Variants in TBCK observed in about 807,000 individuals in gnomAD.
TBCK encodes the protein TBC domain-containing protein kinase-like protein.
A neutral mutation model predicts 113.4 loss-of-function variants in TBCK; 99 were observed. That is an observed-to-expected ratio of 0.87 (90% CI 0.74 to 1.03). The LOEUF is 1.03. Ranked by LOEUF, TBCK falls within the 50% of genes least tolerant of loss-of-function variation. The probability of loss-of-function intolerance (pLI) is 0.00; values close to 1 mark genes in which losing one functional copy is unlikely to be tolerated. For missense variants in TBCK, 1,045 were observed against 1,061.3 expected, an observed-to-expected ratio of 0.98 and a Z score of 0.21; for synonymous variants, 369 against 370.8, an observed-to-expected ratio of 1.00 and a Z score of 0.05.
chr4:106,122,525 T>A (rs1334749377), intron 23 of TBCK, among the ~76,000 whole-genome samples: 8 of 152,234 alleles, frequency 5.3e-5, no homozygotes, highest in African/African-American at 1.9e-4. Flanking sequence ...ACTCATTTTA[T>A]GAGGCCAGCA....
chr4:106,309,276 C>A (rs1042619269), intron 1 of TBCK, among the ~76,000 whole-genome samples: 4 of 147,178 alleles, frequency 2.7e-5, no homozygotes, highest in African/African-American at 1.0e-4. Context: ...TTTGTTACTG[C>A]ATCTTCATAT....
Position 106,244,635 on chromosome 4 carries a change from G to A in TBCK, c.1061C>T (p.Thr354Ile), listed in dbSNP as rs1473115815. ...EIIRSKPPICTLPNFLFEDGE... is the reference protein window; with the variant it reads ...EIIRSKPPICILPNFLFEDGE... Reference sequence around the variant, plus strand: ...AAGTTTCTTTCCTTACTTGGGGAGTGTGCAGATAGGTGGTTTGGATCGAAT... The same window carrying A: ...AAGTTTCTTTCCTTACTTGGGGAGTATGCAGATAGGTGGTTTGGATCGAAT... The change falls in exon 11 of 26, where the codon ACA (threonine) becomes ATA (isoleucine). Residue 354 changes from threonine to isoleucine, a missense_variant. Coordinates refer to ENST00000394708, the MANE Select transcript of TBCK (RefSeq NM_001163435.3). The A allele has an allele frequency of 6.2e-7, 1 of 1,602,616 alleles. No homozygotes were observed. Among genetic ancestry groups the A allele is most frequent in the Admixed American group, 1.7e-5 (1 of 57,454 alleles).
Position 106,242,508 on chromosome 4 carries a change from C to T in TBCK, c.1132G>A (p.Asp378Asn). The T allele has an allele frequency of 6.2e-7, 1 of 1,609,160 alleles. No individual in the cohort carries two copies. The highest frequency in any genetic ancestry group is 8.5e-7 in the Non-Finnish European group (1 of 1,177,676). ...CATAACGACAATGTCACAGTGGTAT[C>T]ATCTAAAAGCGAGCTTCTATCTCGA... ...QGRDRSSLLD[D>N]TTVTLSLCQL... Residue 378 changes from aspartate to asparagine, a missense_variant, in exon 12 of 26, where the codon GAT (aspartate) becomes AAT (asparagine). Physicochemically the swap from Asp to Asn is conservative, Grantham distance 23. Transcript: ENST00000394708.
chr4:106,303,167 G>T (rs953892382), intron 2 of TBCK, among the ~76,000 whole-genome samples: 2 of 152,180 alleles, frequency 1.3e-5, no homozygotes, highest in African/African-American at 4.8e-5. Context: ...GGCCCTGACT[G>T]TGGGTCTCCT....
chr4:106,267,306 T>C (rs998732297), intron 3 of TBCK, among the ~76,000 whole-genome samples: 2 of 151,836 alleles, frequency 1.3e-5, no homozygotes, highest in African/African-American at 4.8e-5. Context: ...TAACTCCCAA[T>C]AAAGCAAGAT....
intron 24 of TBCK, among the ~76,000 whole-genome samples, chr4:106,100,068 T>C (rs1286288400): frequency 6.6e-6 from 1 of 152,162 alleles, no homozygotes; most frequent in African/African-American, 2.4e-5. Context: ...TTTTTGCGCA[T>C]TCAAACATCC....
intron 22 of TBCK, among the ~76,000 whole-genome samples, chr4:106,178,195 G>C (rs559409602): frequency 6.6e-6 from 1 of 151,846 alleles, no homozygotes; most frequent in African/African-American, 2.4e-5. Flanking sequence ...TACTGAATTC[G>C]CAAATCTGTT....
At chr4:106,120,309 G>A (rs1316456915) in intron 23 of TBCK, among the ~76,000 whole-genome samples, 5 of 152,108 alleles carry the variant, frequency 3.3e-5, no homozygotes, top group Non-Finnish European at 1.5e-5. Flanking sequence ...TGGCTCGGAG[G>A]GTCTTACGCC....
chr4:106,114,563 G>T (rs180790423), intron 24 of TBCK, among the ~76,000 whole-genome samples: 1 of 152,144 alleles, frequency 6.6e-6, no homozygotes, highest in Non-Finnish European at 1.5e-5. Context: ...CCTGCTCGGG[G>T]TCTATAAGCA....
At chr4:106,285,238 T>G (rs901723475) in intron 3 of TBCK, among the ~76,000 whole-genome samples, 2 of 152,070 alleles carry the variant, frequency 1.3e-5, no homozygotes, top group Non-Finnish European at 2.9e-5. Flanking sequence ...ACAAATAACA[T>G]TAGTCTATAA....
intron 12 of TBCK, 30 bp downstream of exon 12, chr4:106,242,439 TA>T: frequency 6.5e-7 from 1 of 1,533,226 alleles, no homozygotes; most frequent in Admixed American, 2.0e-5. Flanking sequence ...GAAAAAAACC[TA>T]AAGCAGAACT....
chr4:106,268,171 T>C (rs7665946), intron 3 of TBCK, among the ~76,000 whole-genome samples: 21,444 of 151,978 alleles, frequency 0.14, 1,704 homozygotes, highest in South Asian at 0.25. Context: ...TCATTCTTTA[T>C]TCTGACAGAT....
chr4:106,098,511 T>C (rs1407924171), intron 24 of TBCK, among the ~76,000 whole-genome samples: 1 of 152,082 alleles, frequency 6.6e-6, no homozygotes, highest in Non-Finnish European at 1.5e-5. Context: ...TAAACACTAA[T>C]TTTTAACTTC....
intron 23 of TBCK, among the ~76,000 whole-genome samples, chr4:106,143,070 A>G (rs1747321729): frequency 6.6e-6 from 1 of 152,240 alleles, no homozygotes; most frequent in African/African-American, 2.4e-5. Flanking sequence ...AACGATAACA[A>G]TAATTCATAT....
chr4:106,058,596 G>T (rs1355871175), intron 25 of TBCK, among the ~76,000 whole-genome samples: 1 of 151,716 alleles, frequency 6.6e-6, no homozygotes, highest in East Asian at 1.9e-4. Flanking sequence ...AACAAAAAGA[G>T]AATATAAGGA....
In TBCK at chr4:106,043,910, T is replaced by A. The variant is rs1287246996; in HGVS notation, c.*2660A>T. 1 of 152,164 alleles carries A rather than the reference T, an allele frequency of 6.6e-6. No homozygotes were observed. The highest frequency in any genetic ancestry group is 2.4e-5 in the African/African-American group (1 of 41,420). 9.4% of individuals were successfully genotyped at this position (152,164 alleles called of 1,614,324 possible). On this transcript the variant is annotated 3_prime_UTR_variant, in exon 26 of 26. Transcript: ENST00000394708. ...ATACGTTTAATCTAACAAATAGTTGTTGAGGTCAACTGTTCGTATCATCCA... is the reference window on the plus strand; with the variant it reads ...ATACGTTTAATCTAACAAATAGTTGATGAGGTCAACTGTTCGTATCATCCA...
At chr4:106,231,977 A>G (rs1295669298) in intron 17 of TBCK, among the ~76,000 whole-genome samples, 198 bp from the exon 18 acceptor site, 1 of 151,778 alleles carries the variant, frequency 6.6e-6, no homozygotes, top group African/African-American at 2.4e-5. Flanking sequence ...TCCAATATGA[A>G]TCAGTTATTA....
intron 22 of TBCK, among the ~76,000 whole-genome samples, chr4:106,173,549 A>G (rs1222666303): frequency 1.3e-5 from 2 of 152,128 alleles, no homozygotes; most frequent in Non-Finnish European, 2.9e-5. Flanking sequence ...TAAAGGTTGT[A>G]GTGCAGTCCT....
At chr4:106,297,453 A>G (rs1411940832) in intron 2 of TBCK, among the ~76,000 whole-genome samples, 2 of 152,194 alleles carry the variant, frequency 1.3e-5, no homozygotes, top group South Asian at 2.1e-4. Flanking sequence ...TCTAGAATCT[A>G]TATAGTTTGC....
Sources: gnomAD v4.1 joint callset for allele counts (sites outside exome capture counted in the v4.1 genomes callset) on GRCh38, gnomAD v4.1.1 for gene constraint, MANE v1.5 for transcripts, NCBI Gene and HGNC (gene_info 2026-07-23, HGNC 2026-07-21) for gene names.